Variants in ZMIZ1 observed in about 807,000 individuals in gnomAD.
ZMIZ1 encodes zinc finger MIZ-type containing 1, also known as zinc finger MIZ domain-containing protein 1.
ZMIZ1 carries 17 observed loss-of-function variants against 113.9 expected under a neutral mutation model. The ratio of observed to expected loss-of-function variants is 0.15; its 90% CI spans 0.10 to 0.22. The LOEUF is 0.22. Among genes scored for constraint, ZMIZ1 ranks in the 10% least tolerant of loss-of-function variants. The pLI is 1.00. For synonymous variants in ZMIZ1, 607 were observed against 603.1 expected, an observed-to-expected ratio of 1.01 and a Z score of -0.09; for missense variants, 1,059 against 1,477.8, an observed-to-expected ratio of 0.72 and a Z score of 4.65.
intron 3 of ZMIZ1, 105 bp downstream of exon 3, chr10:79,139,882 G>A (rs1004844207): frequency 1.3e-5 from 5 of 398,370 alleles, no homozygotes; most frequent in African/African-American, 4.1e-5. Context: ...CCAGAGCTGA[G>A]GGTTTTCAGC....
chr10:79,070,946 T>C (rs1842261749), intron 1 of ZMIZ1, among the ~76,000 whole-genome samples: 1 of 151,730 alleles, frequency 6.6e-6, no homozygotes, highest in Non-Finnish European at 1.5e-5. Flanking sequence ...AGATTTAACT[T>C]GGCAGCCCAA....
intron 7 of ZMIZ1, among the ~76,000 whole-genome samples, chr10:79,258,110 G>A (rs571900800): frequency 1.4e-4 from 21 of 152,320 alleles, no homozygotes; most frequent in South Asian, 4.1e-4. Flanking sequence ...GGCCGGGCAC[G>A]GTGGCTCATG....
intron 7 of ZMIZ1, among the ~76,000 whole-genome samples, chr10:79,224,785 C>G (rs1849136041): frequency 6.6e-6 from 1 of 152,144 alleles, no homozygotes; most frequent in South Asian, 2.1e-4. Flanking sequence ...TGTGGGTTCC[C>G]ACAGGCAGAG....
Position 79,277,122 on chromosome 10 carries a change from T to C in ZMIZ1, c.281-59T>C, listed in dbSNP as rs531163208. 3.7e-5 allele frequency: 51 copies of C among 1,379,926 alleles called. No homozygotes were observed. In the African/African-American group the frequency reaches 6.5e-4, roughly 18 times the overall value. The allele number at this position is 1,379,926 out of a possible 1,614,324, so 85.5% of individuals were successfully genotyped here. ...CAGTCTGGGGAGAGTTGGGGGGGGG[T>C]CTTGGTGTGGCAGAGCATGATGAAC... On this transcript the variant is annotated intron_variant, in intron 7 of 24. Transcript: ENST00000334512.
intron 8 of ZMIZ1, among the ~76,000 whole-genome samples, chr10:79,278,585 G>A (rs1030661034): frequency 4.0e-5 from 6 of 151,126 alleles, no homozygotes; most frequent in African/African-American, 9.7e-5. Context: ...GGGTCCTGCC[G>A]CCCTCCGCAG....
Position 79,302,188 on chromosome 10 carries a change from C to G in ZMIZ1, c.2101C>G (p.Pro701Ala), listed in dbSNP as rs1380802344. The change falls in exon 18 of 25, where the codon CCC becomes GCC. Residue 701 changes from proline to alanine, a missense_variant. By Grantham distance (27) the Pro-to-Ala change is conservative. Around this residue, in one of 6 missense-constraint regions of ZMIZ1, gnomAD observed 217 missense variants for 426.9 expected, o/e 0.51. Transcript: ENST00000334512. ...AGGACTCCTCAAGAAGCGCCTCCTG[C>G]CCGCAGAGCACTGTATCACGAAAAG... ...LQGLLKKRLL[P>A]AEHCITKIKR... is the part of the protein sequence containing the mutation. The G allele has an allele frequency of 4.3e-6, 7 of 1,613,826 alleles. No homozygotes were observed. The highest frequency in any genetic ancestry group is 5.9e-6 in the Non-Finnish European group (7 of 1,180,028).
In ZMIZ1 at chr10:79,300,913, A is replaced by G; in HGVS notation, c.1990A>G (p.Ile664Val). Residue 664 changes from isoleucine (I) to valine (V), a missense_variant, in exon 17 of 25, where the codon ATC becomes GTC. Physicochemically the swap from Ile to Val is conservative, Grantham distance 29. This residue lies in a region of ZMIZ1 where 217 missense variants were observed against 426.9 expected (regional missense o/e 0.51). Transcript: ENST00000334512. ...KHVCQPGRNT[I>V]QITVTACCCS... ...CGTGTGCCAGCCGGGCCGCAACACC[A>G]TCCAGATCACCGTCACGGCCTGCTG... is the stretch of plus-strand genomic sequence containing the variant. 2 of 1,612,166 alleles carry G rather than the reference A, an allele frequency of 1.2e-6. No homozygotes were observed. The highest frequency in any genetic ancestry group is 1.1e-5 in the South Asian group (1 of 91,074).
At chr10:79,153,653 C>T (rs1421119103) in intron 3 of ZMIZ1, among the ~76,000 whole-genome samples, 2 of 152,264 alleles carry the variant, frequency 1.3e-5, no homozygotes, top group East Asian at 1.9e-4. Context: ...TTGAACCATG[C>T]ACTTGTCACC....
chr10:79,295,377 C>CT (rs1853816742), intron 12 of ZMIZ1: 1 of 152,260 alleles, frequency 6.6e-6, no homozygotes, highest in Non-Finnish European at 1.5e-5. Context: ...TGCTACCCAG[C>CT]TACAGCACTG....
At chr10:79,105,538 G>GC (rs1843525012) in intron 1 of ZMIZ1, among the ~76,000 whole-genome samples, 1 of 152,140 alleles carries the variant, frequency 6.6e-6, no homozygotes, top group Non-Finnish European at 1.5e-5. Context: ...AAACCCCTCC[G>GC]CCCCTAGTCC....
chr10:79,313,586 T>TA lies in ZMIZ1; in HGVS notation c.*837_*838insA. ...ACACCCAACCAAAGTGATTGTGCCCTTGGTTGGGGGGCGCGGGCATATAAC... is the reference window on the plus strand; with the variant it reads ...ACACCCAACCAAAGTGATTGTGCCCTATGGTTGGGGGGCGCGGGCATATAAC... On this transcript the variant is annotated 3_prime_UTR_variant, in exon 25 of 25. Transcript: ENST00000334512. 1 of 208,764 alleles carries TA rather than the reference T, an allele frequency of 4.8e-6. No homozygotes were observed. Among genetic ancestry groups the TA allele is most frequent in the Admixed American group, 5.4e-5 (1 of 18,470 alleles). 12.9% of individuals were successfully genotyped at this position (208,764 alleles called of 1,614,324 possible).
rs75357091 is a variant in ZMIZ1, at chr10:79,314,348, C to A, written c.*1599C>A. The A allele has an allele frequency of 1.2e-5, 5 of 431,304 alleles. No individual in the cohort carries two copies. Among genetic ancestry groups the A allele is most frequent in the African/African-American group, 1.0e-4 (5 of 49,624 alleles). The allele number at this position is 431,304 out of a possible 1,614,324, so 26.7% of individuals were successfully genotyped here. On this transcript the variant is annotated 3_prime_UTR_variant, in exon 25 of 25. Transcript: ENST00000334512. ...TGGGGCCCTTTCCTGCTCTCCCGTC[C>A]GCTGTGGGTGGTCCCCAGCTCTCCT... is the stretch of plus-strand genomic sequence containing the variant.
At position 79,293,557 on chromosome 10, in the gene ZMIZ1, T is replaced by C. The variant is rs755320368; in HGVS notation, c.1134T>C (p.Phe378=). The C allele has an allele frequency of 1.3e-4, 202 of 1,612,820 alleles. No individual in the cohort carries two copies. Among genetic ancestry groups the C allele is most frequent in the Non-Finnish European group, 1.7e-4 (201 of 1,179,932 alleles). ...NQPRPPGISP[F]GTHGQRMPQQ... ...CCCGGCCGCCCGGCATCAGCCCCTT[T>C]GGCACACACGGGCAGCGGATGCCCC... The change falls in exon 12 of 25, where the codon TTT becomes TTC. Residue 378 remains phenylalanine (F), a synonymous_variant. Transcript: ENST00000334512.
At chr10:79,119,430 G>A (rs1365487267) in intron 2 of ZMIZ1, among the ~76,000 whole-genome samples, 3 of 152,234 alleles carry the variant, frequency 2.0e-5, no homozygotes, top group Non-Finnish European at 4.4e-5. Context: ...CAGCATCACA[G>A]CAGCCTTATG....
At chr10:79,261,981 T>C (rs1222248419) in intron 7 of ZMIZ1, among the ~76,000 whole-genome samples, 2 of 152,144 alleles carry the variant, frequency 1.3e-5, no homozygotes, top group Admixed American at 1.3e-4. Flanking sequence ...GAGAGAGAGC[T>C]CAGGGTCAAA....
chr10:79,205,542 G>A (rs984419938), intron 5 of ZMIZ1, among the ~76,000 whole-genome samples: 1 of 152,228 alleles, frequency 6.6e-6, no homozygotes, highest in African/African-American at 2.4e-5. Context: ...AGCAGTAGCA[G>A]TCTTTCCCTG....
intron 2 of ZMIZ1, among the ~76,000 whole-genome samples, chr10:79,128,301 C>T (rs910209578): frequency 6.6e-6 from 1 of 152,210 alleles, no homozygotes; most frequent in African/African-American, 2.4e-5. Flanking sequence ...CTCCCTGCAC[C>T]ATACTCGACC....
chr10:79,233,624 C>T (rs1482531084), intron 7 of ZMIZ1, among the ~76,000 whole-genome samples: 3 of 152,240 alleles, frequency 2.0e-5, no homozygotes, highest in Non-Finnish European at 4.4e-5. Flanking sequence ...AACCCCAAAC[C>T]GTAGCATCCA....
chr10:79,156,450 C>T (rs1033158540), intron 3 of ZMIZ1, among the ~76,000 whole-genome samples: 2 of 152,212 alleles, frequency 1.3e-5, no homozygotes, highest in African/African-American at 4.8e-5. Flanking sequence ...CTGCACTTTT[C>T]TCACCTGGTG....
Sources: gnomAD v4.1 joint callset for allele counts (sites outside exome capture counted in the v4.1 genomes callset) on GRCh38, gnomAD v4.1.1 for gene constraint, gnomAD v4.1.1 regional missense constraint, MANE v1.5 for transcripts, NCBI Gene and HGNC (gene_info 2026-07-23, HGNC 2026-07-21) for gene names.